CPT1A: variants seen among roughly 807,000 people sequenced by gnomAD.
CPT1A encodes the protein carnitine palmitoyltransferase 1A, also known as carnitine O-palmitoyltransferase 1, liver isoform.
CPT1A carries 64 observed loss-of-function variants against 100.8 expected under a neutral mutation model. The observed-to-expected ratio is 0.63, with a 90% CI of 0.52 to 0.78. The LOEUF is 0.78. Among genes scored for constraint, CPT1A ranks in the 30% least tolerant of loss-of-function variants. The pLI is 0.00. For synonymous variants in CPT1A, 363 were observed against 396.0 expected, an observed-to-expected ratio of 0.92 and a Z score of 0.99; for missense variants, 802 against 1,034.1, an observed-to-expected ratio of 0.78 and a Z score of 3.08.
intron 10 of CPT1A, among the ~76,000 whole-genome samples, chr11:68,783,861 G>C (rs1380695784): frequency 6.6e-6 from 1 of 152,184 alleles, no homozygotes; most frequent in African/African-American, 2.4e-5. Flanking sequence ...CCAAGCTCGG[G>C]CTGATTCGCT....
At chr11:68,807,782 T>C (rs899983792) in intron 3 of CPT1A, 144 bp from the exon 4 acceptor site, 1 of 754,544 alleles carries the variant, frequency 1.3e-6, no homozygotes, top group African/African-American at 1.7e-5. Flanking sequence ...GGGAGAGCAC[T>C]TGCAGGAACT....
intron 18 of CPT1A, 86 bp from the exon 19 acceptor site, chr11:68,757,816 T>C (rs988525617): frequency 4.4e-6 from 5 of 1,125,844 alleles, no homozygotes; most frequent in Non-Finnish European, 6.7e-6. Context: ...TCTGACCCAA[T>C]GTTTCATTGA....
chr11:68,826,266 T>C (rs911846397), intron 1 of CPT1A, among the ~76,000 whole-genome samples: 1 of 150,626 alleles, frequency 6.6e-6, no homozygotes, highest in Non-Finnish European at 1.5e-5. Context: ...GCCAACATGG[T>C]GAAACCCTGT....
intron 1 of CPT1A, among the ~76,000 whole-genome samples, chr11:68,822,639 G>C (rs1594370304): frequency 6.6e-6 from 1 of 152,070 alleles, no homozygotes; most frequent in South Asian, 2.1e-4. Flanking sequence ...ACAAAAGTCT[G>C]CACACGAACA....
At chr11:68,826,576 T>C (rs1305178331) in intron 1 of CPT1A, among the ~76,000 whole-genome samples, 5 of 143,074 alleles carry the variant, frequency 3.5e-5, no homozygotes, top group African/African-American at 5.2e-5. Flanking sequence ...CTACTAAAAA[T>C]ACAAAAAAAA....
chr11:68,780,776 G>C (rs762952714), intron 11 of CPT1A, 31 bp from the exon 12 acceptor site: 2 of 1,591,728 alleles, frequency 1.3e-6, no homozygotes, highest in South Asian at 2.2e-5. Flanking sequence ...TGGAACTTAA[G>C]TGTTTAAAGA....
intron 14 of CPT1A, among the ~76,000 whole-genome samples, chr11:68,768,985 T>C (rs1212140924): frequency 6.6e-6 from 1 of 152,214 alleles, no homozygotes; most frequent in African/African-American, 2.4e-5. Flanking sequence ...AAGTTGTACT[T>C]GTTAGATTCT....
intron 14 of CPT1A, among the ~76,000 whole-genome samples, chr11:68,771,132 C>G (rs1566347422): frequency 6.6e-6 from 1 of 152,226 alleles, no homozygotes; most frequent in Non-Finnish European, 1.5e-5. Context: ...GAGCTGCAAG[C>G]TCTTTGGAGT....
intron 14 of CPT1A, among the ~76,000 whole-genome samples, chr11:68,768,162 G>T (rs760000962): frequency 7.9e-6 from 1 of 126,814 alleles, no homozygotes; most frequent in African/African-American, 3.0e-5. Context: ...TGGAAGCTCC[G>T]CCTCCCGGGT....
intron 6 of CPT1A, 150 bp downstream of exon 6, chr11:68,799,068 C>T (rs71465404): frequency 1.4e-6 from 1 of 718,912 alleles, no homozygotes; most frequent in Non-Finnish European, 2.4e-6. Flanking sequence ...ACACTCCACT[C>T]TGCACAGAGG....
Position 68,775,335 on chromosome 11 carries a change from T to G in CPT1A, c.1556A>C (p.Gln519Pro). Residue 519 changes from glutamine to proline, a missense_variant, in exon 13 of 19, where the codon CAG becomes CCG. This residue lies in a region of CPT1A where 627 missense variants were observed against 799.3 expected (regional missense o/e 0.78). Transcript: ENST00000265641. ...NPNIPYPTRLQWDIPGECQEV... is the reference protein window; with the variant it reads ...NPNIPYPTRLPWDIPGECQEV... Reference sequence around the variant, plus strand: ...ACTTACTTCCCCCGGGATGTCCCACTGCAGCCTGGTGGGGTACGGAATGTT... The same window carrying G: ...ACTTACTTCCCCCGGGATGTCCCACGGCAGCCTGGTGGGGTACGGAATGTT... 1.2e-6 allele frequency: 2 copies of G among 1,613,776 alleles called. No individual in the cohort carries two copies. The highest frequency in any genetic ancestry group is 4.5e-5 in the East Asian group (2 of 44,884).
At chr11:68,777,060 A>T (rs1310734203) in intron 12 of CPT1A, among the ~76,000 whole-genome samples, 1 of 152,216 alleles carries the variant, frequency 6.6e-6, no homozygotes, top group Non-Finnish European at 1.5e-5. Context: ...GAGCCAGCGA[A>T]CGAACAGACT....
chr11:68,835,980 T>A (rs1856999516), intron 1 of CPT1A, among the ~76,000 whole-genome samples: 1 of 152,226 alleles, frequency 6.6e-6, no homozygotes, highest in Non-Finnish European at 1.5e-5. Context: ...TTTCCAACTG[T>A]AGCCCTGTGG....
At chr11:68,773,028 TC>T (rs1247380218) in intron 14 of CPT1A, among the ~76,000 whole-genome samples, 2 of 152,166 alleles carry the variant, frequency 1.3e-5, no homozygotes, top group East Asian at 3.9e-4. Flanking sequence ...TCCCCCAGAC[TC>T]TCCCTCTCCC....
At position 68,802,896 on chromosome 11, in the gene CPT1A, CAAAAAAAA is replaced by C. The variant is rs901808584; in HGVS notation, c.555+1096_555+1103del. On this transcript the variant is annotated intron_variant, in intron 5 of 18. Coordinates refer to ENST00000265641, the MANE Select transcript of CPT1A (RefSeq NM_001876.4). ...TGAACAACAGGGTGAGACCCTGTCT[CAAAAAAAA>C]AAAAAAAAAAAAAAAAGAAAATGAA... Among the ~76,000 whole-genome samples, 6 of 44,958 alleles carry C rather than the reference CAAAAAAAA, an allele frequency of 1.3e-4. 1 individual carries two copies. The South Asian group carries it at 4.4e-3, about 33-fold the overall frequency. The allele number at this position is 44,958 out of a possible 152,430, so 29.5% of individuals were successfully genotyped here.
At position 68,762,648 on chromosome 11, in the gene CPT1A, G is replaced by A. The variant is rs1380885875; in HGVS notation, c.1854C>T (p.Ala618=). The change falls in exon 15 of 19, where the codon GCC becomes GCT. Residue 618 remains alanine, a synonymous_variant. Coordinates refer to ENST00000265641, the MANE Select transcript of CPT1A (RefSeq NM_001876.4). ...CTTESCDFVR[A]MVDPAQTVEQ... ...TTACCGTCTGGGCCGGGTCCACCAT[G>A]GCCCGCACGAAGTCGCATGACTCAG... The A allele has an allele frequency of 2.5e-6, 4 of 1,613,834 alleles. No individual in the cohort carries two copies. Among genetic ancestry groups the A allele is most frequent in the South Asian group, 1.1e-5 (1 of 91,074 alleles).
chr11:68,837,105 AGTGGT>A (rs1857028842), intron 1 of CPT1A, among the ~76,000 whole-genome samples: 1 of 152,022 alleles, frequency 6.6e-6, no homozygotes, highest in African/African-American at 2.4e-5. Flanking sequence ...GCTGGAGTGC[AGTGGT>A]GTGATCTCAG....
At chr11:68,768,697 C>T (rs928845632) in intron 14 of CPT1A, among the ~76,000 whole-genome samples, 14 of 152,234 alleles carry the variant, frequency 9.2e-5, no homozygotes, top group East Asian at 3.9e-4. Flanking sequence ...CGAGCCACTG[C>T]GCCTGGCCAG....
chr11:68,830,921 T>A (rs1288824862), intron 1 of CPT1A, among the ~76,000 whole-genome samples: 2 of 152,210 alleles, frequency 1.3e-5, no homozygotes, highest in Non-Finnish European at 2.9e-5. Flanking sequence ...CTCAAGGACA[T>A]GAATCCTTGT....
Sources: gnomAD v4.1 joint callset for allele counts (sites outside exome capture counted in the v4.1 genomes callset) on GRCh38, gnomAD v4.1.1 for gene constraint, gnomAD v4.1.1 regional missense constraint, MANE v1.5 for transcripts, NCBI Gene and HGNC (gene_info 2026-07-23, HGNC 2026-07-21) for gene names.